Variants in TUBA1C observed in about 807,000 individuals in gnomAD.
The protein encoded by TUBA1C is tubulin alpha 1c.
Under a neutral mutation model 34.9 loss-of-function variants are expected in TUBA1C, and 16 were observed. The ratio of observed to expected loss-of-function variants is 0.46; its 90% CI spans 0.31 to 0.70. The LOEUF is 0.70. TUBA1C is among the 30% of genes least tolerant of loss of function. The pLI is 0.05. For missense variants in TUBA1C, 329 were observed against 587.3 expected, an observed-to-expected ratio of 0.56 and a Z score of 4.55; for synonymous variants, 177 against 215.9, an observed-to-expected ratio of 0.82 and a Z score of 1.58.
chr12:49,270,206 C>A, intron 3 of TUBA1C: 1 of 797,366 alleles, frequency 1.3e-6, no homozygotes, highest in Non-Finnish European at 2.0e-6. Flanking sequence ...CTGAGACACC[C>A]CTTTTGAGGT....
chr12:49,252,094 C>T (rs1422659328), intron 1 of TUBA1C, among the ~76,000 whole-genome samples: 1 of 152,154 alleles, frequency 6.6e-6, no homozygotes, highest in Non-Finnish European at 1.5e-5. Context: ...CAATGCAATA[C>T]TGTTCAGCAG....
At chr12:49,251,775 A>T (rs1050137673) in intron 1 of TUBA1C, among the ~76,000 whole-genome samples, 2 of 139,516 alleles carry the variant, frequency 1.4e-5, no homozygotes, top group Admixed American at 7.3e-5. Flanking sequence ...CTCGGTATTT[A>T]AAAAAAAAAA....
At chr12:49,244,787 T>C (rs930758180) in intron 1 of TUBA1C, among the ~76,000 whole-genome samples, 3 of 152,002 alleles carry the variant, frequency 2.0e-5, no homozygotes, top group African/African-American at 7.3e-5. Flanking sequence ...GGATGGAAAA[T>C]GAGATTGAAG....
intron 2 of TUBA1C, 69 bp from the exon 3 acceptor site, chr12:49,269,759 G>A (rs896077538): frequency 1.1e-5 from 18 of 1,612,952 alleles, no homozygotes; most frequent in Admixed American, 6.7e-5. Context: ...GGGGGGCTCC[G>A]CTGGTCACTC....
At chr12:49,230,625 C>A (rs1011771161) in intron 1 of TUBA1C, among the ~76,000 whole-genome samples, 14 of 152,190 alleles carry the variant, frequency 9.2e-5, no homozygotes, top group African/African-American at 3.4e-4. Context: ...ATGAATTGTG[C>A]CTGTGCTGAC....
upstream of TUBA1C, among the ~76,000 whole-genome samples, chr12:49,261,613 A>C (rs1034154313): frequency 6.6e-6 from 1 of 152,222 alleles, no homozygotes; most frequent in Non-Finnish European, 1.5e-5. Context: ...TTTTGTTATA[A>C]ATTTCTACAT....
chr12:49,252,637 C>A (rs1340852641), intron 1 of TUBA1C, among the ~76,000 whole-genome samples: 13 of 152,138 alleles, frequency 8.5e-5, no homozygotes. Flanking sequence ...ATTGGCTGGG[C>A]ACGGTGGCTC....
At chr12:49,230,084 C>CT (rs574222733) in intron 1 of TUBA1C, among the ~76,000 whole-genome samples, 8,751 of 143,396 alleles carry the variant, frequency 0.061, 294 homozygotes, top group East Asian at 0.12. Context: ...ACATCCTGGC[C>CT]TTTTTTTTTT....
Position 49,265,836 on chromosome 12 carries a change from C to T in TUBA1C, c.3+652C>T, listed in dbSNP as rs184955540. Reference sequence around the variant, plus strand: ...TCTACTTAAGCCGGGTTTAAAAACACGTCCACAAAAGGATATTTTCTTATA... The same window carrying T: ...TCTACTTAAGCCGGGTTTAAAAACATGTCCACAAAAGGATATTTTCTTATA... On this transcript the variant is annotated intron_variant, in intron 1 of 3. Transcript: ENST00000301072. Among the ~76,000 whole-genome samples the T allele has an allele frequency of 1.3e-3, 198 of 152,230 alleles. 1 individual carries two copies. The Middle Eastern group carries it at 0.014, about 10-fold the overall frequency.
rs869028916 is a variant in TUBA1C, at chr12:49,274,285, ATTTTTTTTTTTTTTTT to A, written c.*1072_*1087del. On this transcript the variant is annotated 3_prime_UTR_variant, in exon 4 of 4. Coordinates refer to ENST00000301072, the MANE Select transcript of TUBA1C (RefSeq NM_032704.5). Reference sequence around the variant, plus strand: ...CCACCATGCCTGGCTGATTCTTGTAATTTTTTTTTTTTTTTTTTTTTTTTTTTTTGGTAGAGATGGG... The same window carrying A: ...CCACCATGCCTGGCTGATTCTTGTAATTTTTTTTTTTTTGGTAGAGATGGG... The A allele has an allele frequency of 1.3e-4, 9 of 69,696 alleles. No individual in the cohort carries two copies. Among genetic ancestry groups the A allele is most frequent in the East Asian group, 7.4e-4 (1 of 1,352 alleles). 4.3% of individuals were successfully genotyped at this position (69,696 alleles called of 1,614,324 possible).
chr12:49,246,906 G>A (rs952919907), intron 1 of TUBA1C, among the ~76,000 whole-genome samples: 8 of 152,094 alleles, frequency 5.3e-5, no homozygotes, highest in African/African-American at 1.9e-4. Context: ...TTGGGAGGCC[G>A]AGGTGGGTGG....
chr12:49,255,127 G>A (rs999155138), intron 1 of TUBA1C, among the ~76,000 whole-genome samples: 5 of 151,838 alleles, frequency 3.3e-5, no homozygotes, highest in African/African-American at 1.2e-4. Context: ...ACCAAATGCA[G>A]ATGGAGAAAC....
intron 1 of TUBA1C, among the ~76,000 whole-genome samples, chr12:49,267,763 TAA>T (rs371552312): frequency 1.6e-3 from 240 of 152,304 alleles, no homozygotes; most frequent in African/African-American, 5.5e-3. Context: ...CTGATGTGGT[TAA>T]GAGACCTTGA....
chr12:49,272,362 G>T lies in TUBA1C; in HGVS notation c.485G>T (p.Gly162Val), dbSNP rs781724941. 3.1e-6 allele frequency: 5 copies of T among 1,613,938 alleles called. No homozygotes were observed. In the African/African-American group the frequency reaches 6.7e-5, roughly 22 times the overall value. Residue 162 changes from glycine to valine, a missense_variant, in exon 4 of 4, where the codon GGC (glycine) becomes GTC (valine). By Grantham distance (109) the Gly-to-Val change is moderately radical (BLOSUM62 -3). Around this residue, in one of 4 missense-constraint regions of TUBA1C, gnomAD observed 152 missense variants for 240.3 expected, o/e 0.63. Coordinates refer to ENST00000301072, the MANE Select transcript of TUBA1C (RefSeq NM_032704.5). ...ATGGAACGTCTCTCAGTTGATTATGGCAAGAAGTCCAAGCTGGAGTTCTCC... is the reference window on the plus strand; with the variant it reads ...ATGGAACGTCTCTCAGTTGATTATGTCAAGAAGTCCAAGCTGGAGTTCTCC... ...LLMERLSVDY[G>V]KKSKLEFSIY... is the part of the protein sequence containing the mutation.
At chr12:49,230,085 T>A (rs78159069) in intron 1 of TUBA1C, among the ~76,000 whole-genome samples, 1 of 105,570 alleles carries the variant, frequency 9.5e-6, no homozygotes, top group Non-Finnish European at 2.0e-5. Flanking sequence ...CATCCTGGCC[T>A]TTTTTTTTTT....
At chr12:49,231,029 T>C (rs940446053) in intron 1 of TUBA1C, among the ~76,000 whole-genome samples, 7 of 152,210 alleles carry the variant, frequency 4.6e-5, no homozygotes, top group African/African-American at 1.7e-4. Flanking sequence ...TCATTGTTAT[T>C]TAGAAAGGTT....
intron 1 of TUBA1C, 71 bp downstream of exon 1, chr12:49,265,255 C>A: frequency 7.2e-7 from 1 of 1,380,322 alleles, no homozygotes; most frequent in South Asian, 1.3e-5. Context: ...AAACTACTGC[C>A]TGCACCTCGG....
At chr12:49,238,598 C>T (rs765258599) in intron 1 of TUBA1C, among the ~76,000 whole-genome samples, 13 of 152,234 alleles carry the variant, frequency 8.5e-5, no homozygotes, top group South Asian at 8.3e-4. Flanking sequence ...ATGGCTCACA[C>T]AACTCAAGGA....
intron 1 of TUBA1C, among the ~76,000 whole-genome samples, chr12:49,240,566 A>G (rs1198913788): frequency 1.3e-5 from 2 of 152,028 alleles, no homozygotes; most frequent in Non-Finnish European, 2.9e-5. Context: ...AGCACCTCCA[A>G]GTTCCCCATT....
Sources: allele counts gnomAD v4.1 joint callset (sites outside exome capture counted in the v4.1 genomes callset), GRCh38; gene constraint gnomAD v4.1.1; regional missense constraint gnomAD v4.1.1; transcripts MANE v1.5; gene names NCBI Gene and HGNC (gene_info 2026-07-23, HGNC 2026-07-21).